The following PPP2R5E variants were observed in gnomAD, a reference collection of about 807,000 sequenced individuals.
PPP2R5E encodes serine/threonine-protein phosphatase 2A 56 kDa regulatory subunit epsilon isoform.
In PPP2R5E, 4 loss-of-function variants were observed where a neutral mutation model predicts 65.3. That is an observed-to-expected ratio of 0.06 (90% CI 0.03 to 0.14). The LOEUF (loss-of-function observed/expected upper bound fraction) is 0.14. Ranked by LOEUF, PPP2R5E falls within the 10% of genes least tolerant of loss-of-function variation. The probability of loss-of-function intolerance (pLI) is 1.00; values close to 1 mark genes in which losing one functional copy is unlikely to be tolerated. For missense variants in PPP2R5E, 274 were observed against 556.1 expected (o/e 0.49, Z 5.10); for synonymous variants, 183 against 187.4 (o/e 0.98, Z 0.19).
chr14:63,530,826 T>A lies in PPP2R5E; in HGVS notation c.157+8703A>T, dbSNP rs1409884031. Among the ~76,000 whole-genome samples the A allele has an allele frequency of 2.9e-4, 43 of 149,528 alleles. 1 individual carries two copies. The highest frequency in any genetic ancestry group is 2.9e-3 in the Admixed American group (43 of 15,024). ...GAGATGGGGTTTCACCATGTTGGCCTGGCTGGTATCAAATTCCTGACCTCA... is the reference window on the plus strand; with the variant it reads ...GAGATGGGGTTTCACCATGTTGGCCAGGCTGGTATCAAATTCCTGACCTCA... On this transcript the variant is annotated intron_variant, in intron 2 of 13. Coordinates refer to ENST00000337537, the MANE Select transcript of PPP2R5E (RefSeq NM_006246.5).
chr14:63,501,947 T>G (rs1427298203), intron 2 of PPP2R5E, among the ~76,000 whole-genome samples: 2 of 152,182 alleles, frequency 1.3e-5, no homozygotes, highest in Non-Finnish European at 2.9e-5. Flanking sequence ...CTGGCTGGAG[T>G]GCAGTGGCGA....
chr14:63,453,820 C>A lies in PPP2R5E; in HGVS notation c.223G>T (p.Asp75Tyr). Residue 75 changes from aspartate to tyrosine, a missense_variant, in exon 3 of 14, where the codon GAC (aspartate) becomes TAC (tyrosine). This residue lies in a region of PPP2R5E where 51 missense variants were observed against 101.1 expected (regional missense o/e 0.50). Coordinates refer to ENST00000337537, the MANE Select transcript of PPP2R5E (RefSeq NM_006246.5). ...AGATCAGATAGCGTGTCCATGAAGT[C>A]AAAAATGACACAGCACTGCTGAAGT... ...KKLQQCCVIF[D>Y]FMDTLSDLKM... 1 of 1,602,368 alleles carries A rather than the reference C, an allele frequency of 6.2e-7. No individual in the cohort carries two copies.
Position 63,373,909 on chromosome 14 carries a change from T to C in PPP2R5E, c.*2100A>G, listed in dbSNP as rs1456258262. 6.6e-6 allele frequency: 1 copy of C among 152,138 alleles called. No individual in the cohort carries two copies. Among genetic ancestry groups the C allele is most frequent in the Non-Finnish European group, 1.5e-5 (1 of 68,012 alleles). The allele number at this position is 152,138 out of a possible 1,614,324, so 9.4% of individuals were successfully genotyped here. On this transcript the variant is annotated 3_prime_UTR_variant, in exon 14 of 14. Coordinates refer to ENST00000337537, the MANE Select transcript of PPP2R5E (RefSeq NM_006246.5). ...AAAAGGAGAAGATTTGTTACAAATT[T>C]ATTTTTTATCACATTGTTCCAGCAT... is the stretch of plus-strand genomic sequence containing the variant.
chr14:63,423,490 C>T lies in PPP2R5E; in HGVS notation c.355-1396G>A, dbSNP rs553433397. On this transcript the variant is annotated intron_variant, in intron 3 of 13. Transcript: ENST00000337537. The stretch of plus-strand genomic sequence containing the variant: ...TCTGGTTTCTGTTTCTTGCCCCACT[C>T]ACCCACTCATCTTTCTCCTAATGAC... Among the ~76,000 whole-genome samples the T allele has an allele frequency of 2.0e-4, 31 of 152,266 alleles. 1 individual carries two copies. Among genetic ancestry groups the T allele is most frequent in the Middle Eastern group, 3.4e-3 (1 of 294 alleles).
intron 13 of PPP2R5E, among the ~76,000 whole-genome samples, chr14:63,377,877 T>C (rs772508283): frequency 2.0e-5 from 3 of 152,226 alleles, no homozygotes; most frequent in Non-Finnish European, 4.4e-5. Flanking sequence ...GCTTTTGTTC[T>C]TTTCTTAGAG....
chr14:63,436,506 T>C (rs1887960042), intron 3 of PPP2R5E, among the ~76,000 whole-genome samples: 1 of 152,246 alleles, frequency 6.6e-6, no homozygotes, highest in South Asian at 2.1e-4. Context: ...AACAAAGCCC[T>C]GAGCTAGTTG....
intron 2 of PPP2R5E, among the ~76,000 whole-genome samples, chr14:63,491,742 G>C (rs1317855579): frequency 6.6e-6 from 1 of 152,092 alleles, no homozygotes; most frequent in African/African-American, 2.4e-5. Context: ...AGCTACTCAG[G>C]AGGCTAAGGC....
At chr14:63,457,632 T>A (rs564408453) in intron 2 of PPP2R5E, among the ~76,000 whole-genome samples, 1 of 152,322 alleles carries the variant, frequency 6.6e-6, no homozygotes. Flanking sequence ...AGTGAAAACC[T>A]CTGGCCAGCA....
chr14:63,422,832 T>C (rs1887117608), intron 3 of PPP2R5E, among the ~76,000 whole-genome samples: 1 of 151,442 alleles, frequency 6.6e-6, no homozygotes, highest in Non-Finnish European at 1.5e-5. Flanking sequence ...GAAATAACAG[T>C]GAAATTTCAG....
intron 3 of PPP2R5E, among the ~76,000 whole-genome samples, chr14:63,449,872 ATTT>A (rs35931655): frequency 4.0e-4 from 42 of 105,388 alleles, no homozygotes; most frequent in East Asian, 1.1e-3. Context: ...TTCTTTTCCT[ATTT>A]TTTTTTTTTT....
chr14:63,472,862 T>C (rs1890199831), intron 2 of PPP2R5E, among the ~76,000 whole-genome samples: 1 of 152,216 alleles, frequency 6.6e-6, no homozygotes, highest in Non-Finnish European at 1.5e-5. Context: ...GGGTTTCATG[T>C]GGCTGACAAC....
intron 2 of PPP2R5E, among the ~76,000 whole-genome samples, chr14:63,519,106 T>A (rs1892778214): frequency 6.6e-6 from 1 of 151,748 alleles, no homozygotes; most frequent in African/African-American, 2.4e-5. Context: ...CCCAGCTACT[T>A]GGGAGGGTGG....
chr14:63,525,871 T>C (rs1240101996), intron 2 of PPP2R5E, among the ~76,000 whole-genome samples: 1 of 152,214 alleles, frequency 6.6e-6, no homozygotes, highest in Non-Finnish European at 1.5e-5. Context: ...TCCTGTCTTT[T>C]TTTTGAGATG....
intron 2 of PPP2R5E, among the ~76,000 whole-genome samples, chr14:63,459,710 T>C (rs955579168): frequency 7.9e-5 from 12 of 152,202 alleles, no homozygotes; most frequent in African/African-American, 2.9e-4. Context: ...CTGCTAAGCA[T>C]TTGTATTTTA....
intron 3 of PPP2R5E, among the ~76,000 whole-genome samples, chr14:63,428,721 T>TAAACA (rs554029756): frequency 1.3e-3 from 197 of 152,336 alleles, no homozygotes; most frequent in Non-Finnish European, 1.9e-3. Flanking sequence ...CATGACCTCA[T>TAAACA]AAACAAAAGA....
chr14:63,397,482 A>G (rs1885466997), intron 5 of PPP2R5E, among the ~76,000 whole-genome samples: 1 of 140,582 alleles, frequency 7.1e-6, no homozygotes, highest in Admixed American at 7.2e-5. Flanking sequence ...AGCCTGGGCC[A>G]TAGAGCAAGA....
intron 4 of PPP2R5E, 32 bp from the exon 5 acceptor site, chr14:63,415,264 T>A (rs765885462): frequency 6.7e-7 from 1 of 1,492,370 alleles, no homozygotes; most frequent in Admixed American, 1.7e-5. Flanking sequence ...TAATTTCAAA[T>A]TATGACTCAC....
intron 3 of PPP2R5E, among the ~76,000 whole-genome samples, chr14:63,445,864 G>C (rs895090852): frequency 6.6e-6 from 1 of 151,516 alleles, no homozygotes; most frequent in African/African-American, 2.4e-5. Flanking sequence ...AAATGACAAT[G>C]AAGTTTGTGG....
chr14:63,378,063 T>G lies in PPP2R5E; in HGVS notation c.1305-1955A>C, dbSNP rs115975770. On this transcript the variant is annotated intron_variant, in intron 13 of 13. Transcript: ENST00000337537. ...AGATTCTAAACATAATCAAGCTGTT[T>G]GACAAATTATCACTTTTTGTTTCTC... Among the ~76,000 whole-genome samples the G allele has an allele frequency of 2.9e-3, 442 of 152,322 alleles. 3 individuals carry two copies. The highest frequency in any genetic ancestry group is 0.01 in the African/African-American group (426 of 41,566).
Sources: allele counts gnomAD v4.1 joint callset (sites outside exome capture counted in the v4.1 genomes callset), GRCh38; gene constraint gnomAD v4.1.1; regional missense constraint gnomAD v4.1.1; transcripts MANE v1.5; gene names NCBI Gene and HGNC (gene_info 2026-07-23, HGNC 2026-07-21).